Variants in CUL3 observed in about 807,000 individuals in gnomAD.
CUL3 encodes cullin-3.
Under a neutral mutation model 89.1 loss-of-function variants are expected in CUL3, and 19 were observed. That is an observed-to-expected ratio of 0.21 (90% confidence interval 0.15 to 0.31). CUL3 has a LOEUF of 0.31. CUL3 is among the 10% of genes least tolerant of loss of function. The pLI, the probability that CUL3 is intolerant of heterozygous loss-of-function variation, is 1.00. For missense variants in CUL3, 469 were observed against 942.3 expected (o/e 0.50, Z 6.58); for synonymous variants, 351 against 308.4 (o/e 1.14, Z -1.45).
At chr2:224,484,526 G>C (rs1691646860) in intron 13 of CUL3, among the ~76,000 whole-genome samples, 1 of 150,586 alleles carries the variant, frequency 6.6e-6, no homozygotes, top group South Asian at 2.1e-4. Context: ...ATTTCTCCTA[G>C]TCTATTTTTA....
At chr2:224,569,816 A>G in intron 1 of CUL3, 1 of 1,058,662 alleles carries the variant, frequency 9.4e-7, no homozygotes, top group East Asian at 1.0e-4. Flanking sequence ...CTCTGTGAAT[A>G]ATTTTCTACA....
At chr2:224,535,663 A>G (rs1259332751) in intron 2 of CUL3, 22 bp from the exon 3 acceptor site, 23 of 1,458,950 alleles carry the variant, frequency 1.6e-5, no homozygotes, top group African/African-American at 2.8e-5. Context: ...AGAGTTCATT[A>G]GTTTGCACAC....
chr2:224,480,733 T>C (rs1691509140), intron 14 of CUL3, among the ~76,000 whole-genome samples: 1 of 152,198 alleles, frequency 6.6e-6, no homozygotes, highest in South Asian at 2.1e-4. Context: ...AATTCTAGGA[T>C]ACAAATGAGC....
At position 224,503,279 on chromosome 2, in the gene CUL3, C is replaced by G. The variant is rs41372447; in HGVS notation, c.1378-207G>C. Among the ~76,000 whole-genome samples, 27,990 of 152,016 alleles carry G rather than the reference C, an allele frequency of 0.18. 2,884 individuals are homozygous for G. Among genetic ancestry groups the G allele is most frequent in the South Asian group, 0.27 (1,303 of 4,824 alleles). ...TTCTTTCAGAGATTCCAATATACCCCCATGAAAGGCAGGGCCCAGAACTGT... is the reference window on the plus strand; with the variant it reads ...TTCTTTCAGAGATTCCAATATACCCGCATGAAAGGCAGGGCCCAGAACTGT... On this transcript the variant is annotated intron_variant, in intron 9 of 15. Transcript: ENST00000264414.
intron 6 of CUL3, among the ~76,000 whole-genome samples, chr2:224,507,684 A>G (rs1215538247): frequency 1.3e-5 from 2 of 152,116 alleles, no homozygotes; most frequent in Non-Finnish European, 2.9e-5. Context: ...ATCTCACTAT[A>G]CTTTTTAAAT....
intron 11 of CUL3, 150 bp downstream of exon 11, chr2:224,500,213 A>C: frequency 1.2e-6 from 1 of 830,816 alleles, no homozygotes; most frequent in Non-Finnish European, 1.9e-6. Context: ...AGAGGGGGAA[A>C]TTGCTGTATG....
At chr2:224,545,058 A>C (rs1424601373) in intron 2 of CUL3, among the ~76,000 whole-genome samples, 2 of 152,158 alleles carry the variant, frequency 1.3e-5, no homozygotes, top group Admixed American at 6.6e-5. Context: ...TTATTTGTAC[A>C]ACTAATATAA....
chr2:224,509,217 C>G (rs189545145), intron 6 of CUL3, among the ~76,000 whole-genome samples: 1 of 151,968 alleles, frequency 6.6e-6, no homozygotes, highest in Non-Finnish European at 1.5e-5. Flanking sequence ...TTAACCCCCC[C>G]ACCTTTTTTT....
Position 224,471,577 on chromosome 2 carries a change from A to AT in CUL3, c.*2667dup, listed in dbSNP as rs1691132732. On this transcript the variant is annotated 3_prime_UTR_variant, in exon 16 of 16. Transcript: ENST00000264414. ...CAGCATCTTGGGGGTTTGATAGTAC[A>AT]TAATTACAATGCTACACAGGTGACT... is the stretch of plus-strand genomic sequence containing the variant. The AT allele has an allele frequency of 5.0e-6, 1 of 199,896 alleles. No individual in the cohort carries two copies. Among genetic ancestry groups the AT allele is most frequent in the South Asian group, 1.9e-4 (1 of 5,246 alleles). 12.4% of individuals were successfully genotyped at this position (199,896 alleles called of 1,614,324 possible).
intron 13 of CUL3, among the ~76,000 whole-genome samples, chr2:224,488,539 A>G (rs916832118): frequency 2.0e-5 from 3 of 152,182 alleles, no homozygotes; most frequent in Non-Finnish European, 4.4e-5. Flanking sequence ...ATTCCTGGAC[A>G]CATACACCCT....
intron 3 of CUL3, among the ~76,000 whole-genome samples, chr2:224,516,310 T>C (rs1693043187): frequency 6.7e-6 from 1 of 149,648 alleles, no homozygotes; most frequent in Non-Finnish European, 1.5e-5. Context: ...TCCCTCCTTT[T>C]TTGTTTGCTT....
At chr2:224,569,918 A>G in intron 1 of CUL3, 1 of 358,476 alleles carries the variant, frequency 2.8e-6, no homozygotes, top group Non-Finnish European at 3.9e-6. Context: ...AAAAATAAAC[A>G]AGGGAAAATA....
intron 5 of CUL3, among the ~76,000 whole-genome samples, chr2:224,512,950 G>C (rs1692892771): frequency 6.6e-6 from 1 of 152,116 alleles, no homozygotes; most frequent in Admixed American, 6.5e-5. Flanking sequence ...TAGACAGCAA[G>C]ATCAAGCCCT....
At chr2:224,504,982 C>T (rs1044211047) in intron 8 of CUL3, among the ~76,000 whole-genome samples, 3 of 152,190 alleles carry the variant, frequency 2.0e-5, no homozygotes, top group African/African-American at 7.2e-5. Flanking sequence ...CCTTAATATT[C>T]TTGGCATCCA....
intron 3 of CUL3, among the ~76,000 whole-genome samples, chr2:224,515,985 C>T (rs918759848): frequency 1.3e-5 from 2 of 152,008 alleles, no homozygotes; most frequent in Admixed American, 6.6e-5. Flanking sequence ...CCACCATGCC[C>T]GGCCCCAAAC....
In CUL3 at chr2:224,503,015, T is replaced by C; in HGVS notation, c.1435A>G (p.Ile479Val). The C allele has an allele frequency of 1.2e-6, 2 of 1,614,066 alleles. No individual in the cohort carries two copies. The highest frequency in any genetic ancestry group is 8.5e-7 in the Non-Finnish European group (1 of 1,179,910). Residue 479 changes from isoleucine to valine, a missense_variant, in exon 10 of 16, where the codon ATC becomes GTC. Ile to Val is a conservative substitution (Grantham distance 29). This residue lies in a region of CUL3 where 370 missense variants were observed against 733.2 expected (regional missense o/e 0.50). Coordinates refer to ENST00000264414, the MANE Select transcript of CUL3 (RefSeq NM_003590.5). ...KLEGMFRDMS[I>V]SNTTMDEFRQ... The stretch of plus-strand genomic sequence containing the variant: ...AATTCATCCATCGTTGTGTTTGAGA[T>C]GCTCATATCCCTAAACATTCCTTCC...
At position 224,485,835 on chromosome 2, in the gene CUL3, T is replaced by C. The variant is rs1691699432; in HGVS notation, c.1843-3757A>G. ...GACAGGAGACACCTCCCAGCAGGGGTCAACAGACACCTCATACAGGAGAGC... is the reference window on the plus strand; with the variant it reads ...GACAGGAGACACCTCCCAGCAGGGGCCAACAGACACCTCATACAGGAGAGC... On this transcript the variant is annotated intron_variant, in intron 13 of 15. Transcript: ENST00000264414. The surrounding 1 kb of genome is among the most constrained non-coding windows in gnomAD (Gnocchi z 4.1). Among the ~76,000 whole-genome samples, 1 of 151,896 alleles carries C rather than the reference T, an allele frequency of 6.6e-6. No individual in the cohort carries two copies. Among genetic ancestry groups the C allele is most frequent in the Non-Finnish European group, 1.5e-5 (1 of 67,980 alleles).
At chr2:224,576,678 T>C (rs1173071601) in intron 1 of CUL3, among the ~76,000 whole-genome samples, 1 of 33,102 alleles carries the variant, frequency 3.0e-5, no homozygotes, top group Non-Finnish European at 4.8e-5. Flanking sequence ...AGTTCAGGAG[T>C]GAAAAAAAAG....
At chr2:224,509,673 T>A (rs1692741180) in intron 6 of CUL3, among the ~76,000 whole-genome samples, 3 of 152,254 alleles carry the variant, frequency 2.0e-5, no homozygotes, top group Admixed American at 2.0e-4. Flanking sequence ...TGACACCTTT[T>A]ACATACATCT....
Sources: gnomAD v4.1 joint callset for allele counts (sites outside exome capture counted in the v4.1 genomes callset) on GRCh38, gnomAD v4.1.1 for gene constraint, gnomAD v4.1.1 regional missense constraint, Gnocchi (gnomAD v3.1) non-coding constraint, MANE v1.5 for transcripts, NCBI Gene and HGNC (gene_info 2026-07-23, HGNC 2026-07-21) for gene names.